MAPK10: variants seen among roughly 807,000 people sequenced by gnomAD.
MAPK10 encodes mitogen-activated protein kinase 10.
A neutral mutation model predicts 59.3 loss-of-function variants in MAPK10; 25 were observed. That is an observed-to-expected ratio of 0.42 (90% confidence interval 0.31 to 0.59). The LOEUF is 0.59. Among genes scored for constraint, MAPK10 ranks in the 20% least tolerant of loss-of-function variants. The pLI, the probability that MAPK10 is intolerant of heterozygous loss-of-function variation, is 0.15. For synonymous variants in MAPK10, 190 were observed against 200.5 expected (o/e 0.95, Z 0.44); for missense variants, 351 against 568.9 (o/e 0.62, Z 3.90).
At chr4:86,081,616 G>A (rs1333419308) in intron 9 of MAPK10, 1 of 151,864 alleles carries the variant, frequency 6.6e-6, no homozygotes, top group Non-Finnish European at 1.5e-5. Context: ...AGCCTCCCTT[G>A]TAGACAAGGA....
chr4:86,026,326 T>C (rs1578733882), intron 13 of MAPK10: 1 of 152,248 alleles, frequency 6.6e-6, no homozygotes, highest in African/African-American at 2.4e-5. Flanking sequence ...TTAATTTCAA[T>C]TCATGGACTG....
At chr4:86,389,141 T>C (rs1741874842) in intron 1 of MAPK10, among the ~76,000 whole-genome samples, 1 of 152,088 alleles carries the variant, frequency 6.6e-6, no homozygotes, top group Non-Finnish European at 1.5e-5. Context: ...TCACAAGATC[T>C]GGTTGTTTAA....
At chr4:86,385,053 A>G (rs144907161) in intron 1 of MAPK10, among the ~76,000 whole-genome samples, 39 of 152,272 alleles carry the variant, frequency 2.6e-4, no homozygotes, top group African/African-American at 9.1e-4. Flanking sequence ...TAGCATTAGC[A>G]TAGTAGGTTT....
chr4:86,166,017 G>GCT (rs1427296310), intron 3 of MAPK10, among the ~76,000 whole-genome samples: 1 of 152,054 alleles, frequency 6.6e-6, no homozygotes, highest in Non-Finnish European at 1.5e-5. Context: ...AGCTGGTATG[G>GCT]CTTCTGCCTG....
intron 1 of MAPK10, among the ~76,000 whole-genome samples, chr4:86,548,285 C>T (rs1053845741): frequency 1.3e-5 from 2 of 152,056 alleles, no homozygotes; most frequent in African/African-American, 2.4e-5. Context: ...CCAGCGAGAC[C>T]GCGAACCCCA....
chr4:86,576,774 C>A (rs1761931314), intron 1 of MAPK10, among the ~76,000 whole-genome samples: 2 of 142,428 alleles, frequency 1.4e-5, no homozygotes, highest in African/African-American at 5.2e-5. Context: ...GACTCCGTCC[C>A]AAAAAAAAAA....
At chr4:86,405,660 T>C (rs1430476653) in intron 1 of MAPK10, among the ~76,000 whole-genome samples, 1 of 152,232 alleles carries the variant, frequency 6.6e-6, no homozygotes, top group African/African-American at 2.4e-5. Context: ...AGCCACAGAA[T>C]ATGTGAGCAT....
intron 3 of MAPK10, among the ~76,000 whole-genome samples, chr4:86,183,135 G>GTT (rs150578621): frequency 4.2e-5 from 6 of 141,722 alleles, no homozygotes; most frequent in African/African-American, 1.6e-4. Context: ...AGTTTTGGCT[G>GTT]GTTTTTTTTT....
chr4:86,466,974 G>A (rs13145073), intron 1 of MAPK10, among the ~76,000 whole-genome samples: 1 of 152,204 alleles, frequency 6.6e-6, no homozygotes, highest in Non-Finnish European at 1.5e-5. Context: ...CAAGATATGT[G>A]CTGCATCTTC....
chr4:86,383,081 GTAAATGTTAAATAAAA>G (rs577682508), intron 1 of MAPK10, among the ~76,000 whole-genome samples: 67 of 152,274 alleles, frequency 4.4e-4, no homozygotes, highest in Middle Eastern at 6.8e-3. Context: ...AACTATATAA[GTAAATGTTAAATAAAA>G]TAAATGTTAA....
chr4:86,296,366 G>C (rs1328715815), intron 2 of MAPK10, among the ~76,000 whole-genome samples: 1 of 152,068 alleles, frequency 6.6e-6, no homozygotes, highest in Non-Finnish European at 1.5e-5. Context: ...GCTCCCTTCT[G>C]AGGGAGCACC....
chr4:86,472,764 G>A (rs1213688304), intron 1 of MAPK10, among the ~76,000 whole-genome samples: 1 of 152,174 alleles, frequency 6.6e-6, no homozygotes, highest in African/African-American at 2.4e-5. Context: ...GGAGGCAGGG[G>A]AACATAAGGT....
intron 1 of MAPK10, among the ~76,000 whole-genome samples, chr4:86,495,014 G>GT (rs998681599): frequency 7.9e-5 from 12 of 152,030 alleles, no homozygotes; most frequent in African/African-American, 2.7e-4. Flanking sequence ...TGGCCTTTTG[G>GT]TTTATATTAG....
At chr4:86,406,358 G>A (rs1744363989) in intron 1 of MAPK10, among the ~76,000 whole-genome samples, 1 of 152,104 alleles carries the variant, frequency 6.6e-6, no homozygotes. Flanking sequence ...AGAACCACTA[G>A]CTTATGATAT....
intron 2 of MAPK10, among the ~76,000 whole-genome samples, chr4:86,291,291 T>C (rs1277532083): frequency 6.6e-6 from 1 of 152,248 alleles, no homozygotes; most frequent in Non-Finnish European, 1.5e-5. Flanking sequence ...TCTAGCTTGA[T>C]AATCTACCTT....
At chr4:86,084,889 T>C (rs990396962) in intron 9 of MAPK10, among the ~76,000 whole-genome samples, 3 of 152,074 alleles carry the variant, frequency 2.0e-5, no homozygotes. Flanking sequence ...GATACTGGCA[T>C]AAAAACAGAC....
chr4:86,021,772 C>T (rs1041433610), intron 13 of MAPK10, among the ~76,000 whole-genome samples: 3 of 152,240 alleles, frequency 2.0e-5, no homozygotes, highest in South Asian at 2.1e-4. Flanking sequence ...AGCTAAGGCC[C>T]GGCGAGAAAT....
chr4:86,251,575 T>C (rs1354272129), intron 2 of MAPK10, among the ~76,000 whole-genome samples: 1 of 134,624 alleles, frequency 7.4e-6, no homozygotes, highest in Admixed American at 7.7e-5. Context: ...CAGTCTATCA[T>C]TGTTGGACAT....
chr4:86,345,492 T>G (rs1727602957), intron 2 of MAPK10, among the ~76,000 whole-genome samples: 1 of 152,110 alleles, frequency 6.6e-6, no homozygotes, highest in Admixed American at 6.6e-5. Context: ...AAAATTCACC[T>G]TTAGAAATCA....
Sources: gnomAD v4.1 joint callset for allele counts (sites outside exome capture counted in the v4.1 genomes callset) on GRCh38, gnomAD v4.1.1 for gene constraint, MANE v1.5 for transcripts, NCBI Gene and HGNC (gene_info 2026-07-23, HGNC 2026-07-21) for gene names.